Variants in DIDO1 observed in about 807,000 individuals in gnomAD.
DIDO1 encodes death inducer-obliterator 1.
In DIDO1, 16 loss-of-function variants were observed where a neutral mutation model predicts 99.4. That is an observed-to-expected ratio of 0.16 (90% CI 0.11 to 0.24). The LOEUF (loss-of-function observed/expected upper bound fraction) is 0.24, where lower values mean the gene tolerates loss of function less well. Ranked by LOEUF, DIDO1 falls within the 10% of genes least tolerant of loss-of-function variation. The pLI is 1.00. For synonymous variants in DIDO1, 1,366 were observed against 1,239.1 expected (o/e 1.10, Z -2.15); for missense variants, 2,996 against 3,014.0 (o/e 0.99, Z 0.14).
rs763959742 is a variant in DIDO1, at chr20:62,910,839, C to A, written c.774G>T (p.Lys258Asn). Residue 258 changes from lysine (K) to asparagine (N), a missense_variant, in exon 3 of 16, where the codon AAG (lysine) becomes AAT (asparagine). Lys to Asn is a moderately conservative substitution (Grantham distance 94). Around this residue, in one of 5 missense-constraint regions of DIDO1, gnomAD observed 388 missense variants for 376.6 expected, o/e 1.03. Transcript: ENST00000395343. ...DEEPGDLGRP[K>N]PECEGYDPNA... The stretch of plus-strand genomic sequence containing the variant: ...TGGGGTCGTAACCCTCACATTCAGG[C>A]TTCGGTCGGCCCAAGTCTCCAGGCT... 9.3e-6 allele frequency: 15 copies of A among 1,614,082 alleles called. No homozygotes were observed. Among genetic ancestry groups the A allele is most frequent in the Non-Finnish European group, 1.3e-5 (15 of 1,180,050 alleles).
intron 1 of DIDO1, among the ~76,000 whole-genome samples, chr20:62,922,109 TACACAC>T (rs58178322): frequency 9.0e-6 from 1 of 110,586 alleles, no homozygotes; most frequent in Non-Finnish European, 2.0e-5. Context: ...ACTATATATA[TACACAC>T]ACACACACAC....
At chr20:62,897,799 GCAGGGGACAGACGGCGTGC>G (rs921489372) in intron 6 of DIDO1, among the ~76,000 whole-genome samples, 1 of 152,240 alleles carries the variant, frequency 6.6e-6, no homozygotes, top group African/African-American at 2.4e-5. Flanking sequence ...AGGCCCTCGA[GCAGGGGACAGACGGCGTGC>G]CAGGGGACAG....
In DIDO1 at chr20:62,916,865, G is replaced by C. The variant is rs73918867; in HGVS notation, c.-199-2459C>G. Among the ~76,000 whole-genome samples the C allele has an allele frequency of 9.2e-3, 1,405 of 152,260 alleles. 23 individuals carry two copies. Among genetic ancestry groups the C allele is most frequent in the African/African-American group, 0.031 (1,290 of 41,556 alleles). On this transcript the variant is annotated intron_variant, in intron 1 of 15. Coordinates refer to ENST00000395343, the MANE Select transcript of DIDO1 (RefSeq NM_001193369.2). ...AGCTGAAACAGAATTTGCAGCCTTT[G>C]TCAAGGAACTTCTCCCTTTCTTTCA...
Position 62,880,556 on chromosome 20 carries a change from G to C in DIDO1, c.5400C>G (p.Phe1800Leu), listed in dbSNP as rs377665918. 2.2e-5 allele frequency: 35 copies of C among 1,612,996 alleles called. No homozygotes were observed. The highest frequency in any genetic ancestry group is 2.9e-5 in the Non-Finnish European group (34 of 1,179,998). Residue 1800 changes from phenylalanine to leucine, a missense_variant, in exon 16 of 16, where the codon TTC becomes TTG. Coordinates refer to ENST00000395343, the MANE Select transcript of DIDO1 (RefSeq NM_001193369.2). ...DGPRGPPPARFGAQKGPIPSL... is the reference protein window; with the variant it reads ...DGPRGPPPARLGAQKGPIPSL... Reference sequence around the variant, plus strand: ...AAGGGATGGGCCCCTTCTGGGCTCCGAATCTGGCTGGCGGAGGCCCTCGTG... The same window carrying C: ...AAGGGATGGGCCCCTTCTGGGCTCCCAATCTGGCTGGCGGAGGCCCTCGTG...
At chr20:62,906,257 T>C (rs1206699590) in intron 5 of DIDO1, among the ~76,000 whole-genome samples, 157 bp from the exon 6 acceptor site, 4 of 152,224 alleles carry the variant, frequency 2.6e-5, no homozygotes, top group Admixed American at 6.5e-5. Context: ...TTCAACACAC[T>C]TGCGTATTCG....
intron 1 of DIDO1, among the ~76,000 whole-genome samples, chr20:62,925,119 C>T (rs2147585413): frequency 6.6e-6 from 1 of 152,254 alleles, no homozygotes; most frequent in East Asian, 1.9e-4. Flanking sequence ...ACACTAACAG[C>T]AACCCAAAGG....
At chr20:62,904,839 C>A (rs1023645862) in intron 6 of DIDO1, among the ~76,000 whole-genome samples, 1 of 144,966 alleles carries the variant, frequency 6.9e-6, no homozygotes, top group South Asian at 2.2e-4. Context: ...CCAGACCTAG[C>A]ATAGGTCTGC....
intron 2 of DIDO1, among the ~76,000 whole-genome samples, chr20:62,912,813 C>T (rs577062287): frequency 6.6e-6 from 1 of 152,346 alleles, no homozygotes; most frequent in South Asian, 2.1e-4. Context: ...AGGCAGACCA[C>T]TTGAGGTTAG....
intron 6 of DIDO1, among the ~76,000 whole-genome samples, chr20:62,901,183 CAG>C (rs1374613328): frequency 6.6e-6 from 1 of 152,152 alleles, no homozygotes; most frequent in Non-Finnish European, 1.5e-5. Flanking sequence ...AGACGCTCCT[CAG>C]AGGAGACCAT....
intron 1 of DIDO1, 27 bp from the exon 2 acceptor site, chr20:62,914,433 C>T (rs1432707444): frequency 1.3e-5 from 2 of 152,328 alleles, no homozygotes; most frequent in East Asian, 3.9e-4. Flanking sequence ...AAATATTTTA[C>T]ATATCTTAAG....
rs2064199222 is a variant in DIDO1, at chr20:62,881,227, G to GCTCCCC, written c.4723_4728dup (p.Gly1575_Glu1576dup). 1.2e-6 allele frequency: 2 copies of GCTCCCC among 1,603,566 alleles called. No individual in the cohort carries two copies. The highest frequency in any genetic ancestry group is 1.7e-5 in the Admixed American group (1 of 59,498). On this transcript the variant is annotated inframe_insertion, in exon 16 of 16. Coordinates refer to ENST00000395343, the MANE Select transcript of DIDO1 (RefSeq NM_001193369.2). The surrounding 1 kb of genome is among the most constrained non-coding windows in gnomAD (Gnocchi z 8.3). ...CCACGTGCCGAGAGCCTGGAGAGAGGCTCCCCCTCCCCCTCACCGGTCTCA... is the reference window on the plus strand; with the variant it reads ...CCACGTGCCGAGAGCCTGGAGAGAGGCTCCCCCTCCCCCTCCCCCTCACCGGTCTCA...
intron 3 of DIDO1, 141 bp downstream of exon 3, chr20:62,910,633 T>G: frequency 9.7e-7 from 1 of 1,033,364 alleles, no homozygotes; most frequent in Non-Finnish European, 1.4e-6. Context: ...GCCACTCTTA[T>G]GTGTTTCTTT....
At position 62,894,651 on chromosome 20, in the gene DIDO1, G is replaced by T; in HGVS notation, c.2437-103C>A. On this transcript the variant is annotated intron_variant, in intron 10 of 15. Transcript: ENST00000395343. The surrounding 1 kb of genome is among the most constrained non-coding windows in gnomAD (Gnocchi z 4.4). The stretch of plus-strand genomic sequence containing the variant: ...CAGTCTCATGGGATTGAGACCCACG[G>T]GGGAGAAAAAAGGACCATCTAATAC... The T allele has an allele frequency of 6.8e-7, 1 of 1,479,350 alleles. No individual in the cohort carries two copies. The highest frequency in any genetic ancestry group is 2.4e-5 in the East Asian group (1 of 42,248). 91.6% of individuals were successfully genotyped at this position (1,479,350 alleles called of 1,614,324 possible). A position where few individuals can be genotyped will look rare whatever the true frequency, so the allele number is the denominator to read the frequency against.
chr20:62,883,001 TA>T (rs1344148122), intron 15 of DIDO1, among the ~76,000 whole-genome samples: 35 of 134,190 alleles, frequency 2.6e-4, no homozygotes, highest in African/African-American at 9.4e-4. Flanking sequence ...CGGCTCACTA[TA>T]ACCTCTGCTT....
rs765777576 is a variant in DIDO1 at position 62,910,055 on chromosome 20, C to T, written c.840-35G>A. On this transcript the variant is annotated intron_variant, in intron 3 of 15. Coordinates refer to ENST00000395343, the MANE Select transcript of DIDO1 (RefSeq NM_001193369.2). ...TAAAATAACGGTATTAGCAATGGGA[C>T]GTGAGTGACAAGCACTTTTCAACAC... The T allele has an allele frequency of 6.3e-6, 10 of 1,582,954 alleles. No individual in the cohort carries two copies. In the Admixed American group the frequency reaches 6.8e-5, roughly 11 times the overall value.
At chr20:62,888,832 A>G in intron 15 of DIDO1, 4 of 985,440 alleles carry the variant, frequency 4.1e-6, no homozygotes, top group Non-Finnish European at 4.8e-6. Flanking sequence ...GAAGTGTGTG[A>G]GATTTCACGC....
At chr20:62,895,361 G>A (rs572157237) in intron 8 of DIDO1, among the ~76,000 whole-genome samples, 196 bp from the exon 9 acceptor site, 4 of 152,244 alleles carry the variant, frequency 2.6e-5, no homozygotes, top group African/African-American at 7.2e-5. Flanking sequence ...ATGAGAGTGC[G>A]CCCCAGGATA....
At chr20:62,930,594 T>C (rs908943439), upstream of DIDO1, among the ~76,000 whole-genome samples, 2 of 152,038 alleles carry the variant, frequency 1.3e-5, no homozygotes, top group Non-Finnish European at 2.9e-5. Context: ...AAATGTGAAA[T>C]AGGAAAAAGG....
Position 62,892,076 on chromosome 20 carries a change from C to G in DIDO1, c.3256G>C (p.Asp1086His). The G allele has an allele frequency of 6.2e-7, 1 of 1,610,398 alleles. No homozygotes were observed. The highest frequency in any genetic ancestry group is 8.5e-7 in the Non-Finnish European group (1 of 1,179,144). The change falls in exon 14 of 16, where the codon GAT becomes CAT. Residue 1086 changes from aspartate (D) to histidine (H), a missense_variant and splice_region_variant. Physicochemically the swap from Asp to His is moderately conservative, Grantham distance 81. This residue lies in a region of DIDO1 where 135 missense variants were observed against 202.3 expected (regional missense o/e 0.67). Coordinates refer to ENST00000395343, the MANE Select transcript of DIDO1 (RefSeq NM_001193369.2). ...VSGCFDYLSE[D>H]LPDTIHIGGR... ...CCAATGTGAATTGTGTCAGGCAAAT[C>G]CTAAACAGAAAGTACTTTGCGTAAA... is the stretch of plus-strand genomic sequence containing the variant.
Sources: allele counts gnomAD v4.1 joint callset (sites outside exome capture counted in the v4.1 genomes callset), GRCh38; gene constraint gnomAD v4.1.1; regional missense constraint gnomAD v4.1.1; non-coding constraint Gnocchi (gnomAD v3.1); transcripts MANE v1.5; gene names NCBI Gene and HGNC (gene_info 2026-07-23, HGNC 2026-07-21).